The following MIR2052HG variants were observed in gnomAD, a reference collection of about 807,000 sequenced individuals.
The protein encoded by MIR2052HG is MIR2052 host gene.
chr8:74,639,359 A>G (rs1461623902), intron 2 of MIR2052HG, among the ~76,000 whole-genome samples: 1 of 152,178 alleles, frequency 6.6e-6, no homozygotes, highest in Non-Finnish European at 1.5e-5. Flanking sequence ...GTCATTTTAT[A>G]CACCTTATAT....
At chr8:74,642,592 A>G (rs960758783) in intron 2 of MIR2052HG, among the ~76,000 whole-genome samples, 14 of 152,168 alleles carry the variant, frequency 9.2e-5, no homozygotes, top group Admixed American at 8.5e-4. Flanking sequence ...GTGACATTTT[A>G]TATATTTGCT....
chr8:74,686,097 ATT>A (rs556888542), intron 2 of MIR2052HG, among the ~76,000 whole-genome samples: 1 of 143,386 alleles, frequency 7.0e-6, no homozygotes, highest in South Asian at 2.2e-4. Context: ...ATCTCTGGAG[ATT>A]TTTTTTTTTT....
At chr8:74,602,818 T>TTTCC (rs1808026224) in intron 1 of MIR2052HG, among the ~76,000 whole-genome samples, 1 of 69,226 alleles carries the variant, frequency 1.4e-5, no homozygotes, top group Non-Finnish European at 3.1e-5. Context: ...CCCGGCCGTG[T>TTTCC]TTCTTTCTTT....
intron 5 of MIR2052HG, chr8:74,757,623 T>G (rs1288450797): frequency 6.6e-6 from 1 of 152,236 alleles, no homozygotes; most frequent in Non-Finnish European, 1.5e-5. Context: ...TTTGCCAAAG[T>G]CATTTGTTCA....
rs528847731 is a variant in MIR2052HG, at chr8:74,660,070, G to A, written n.217-42309G>A. Among the ~76,000 whole-genome samples, 6 of 152,254 alleles carry A rather than the reference G, an allele frequency of 3.9e-5. No homozygotes were observed. In the East Asian group the frequency reaches 7.7e-4, roughly 20 times the overall value. ...GCACCTGAGTATGGTTCTAACATGA[G>A]CATCTGCACAACAGAGCATCATGGC... On this transcript the variant is annotated intron_variant and non_coding_transcript_variant, in intron 2 of 6. Transcript: ENST00000523442.
chr8:74,611,524 T>C (rs1808194763), intron 1 of MIR2052HG, among the ~76,000 whole-genome samples: 1 of 152,222 alleles, frequency 6.6e-6, no homozygotes, highest in South Asian at 2.1e-4. Context: ...TTGCAAGATG[T>C]CTGTTAACAT....
rs1809295940 is a variant in MIR2052HG, at chr8:74,696,326, A to G, written n.217-6053A>G. 2.6e-5 allele frequency among the ~76,000 whole-genome samples: 4 copies of G among 152,254 alleles called. No homozygotes were observed. In the South Asian group the frequency reaches 6.2e-4, roughly 24 times the overall value. ...ACCTCTGGGATACAGCAAAGGCAGT[A>G]CTAAGAGAAAAGTTCATGGCATTAA... On this transcript the variant is annotated intron_variant and non_coding_transcript_variant, in intron 2 of 6. Transcript: ENST00000523442.
intron 2 of MIR2052HG, among the ~76,000 whole-genome samples, chr8:74,647,723 T>C (rs1401767413): frequency 5.9e-5 from 9 of 152,192 alleles, no homozygotes; most frequent in Admixed American, 5.9e-4. Flanking sequence ...GCTGAAGCTG[T>C]GGCAGAAGAA....
At chr8:74,687,963 G>A (rs1332174796) in intron 2 of MIR2052HG, among the ~76,000 whole-genome samples, 1 of 152,114 alleles carries the variant, frequency 6.6e-6, no homozygotes, top group Non-Finnish European at 1.5e-5. Context: ...CATCAAATGT[G>A]TGCAGGTCTT....
intron 4 of MIR2052HG, among the ~76,000 whole-genome samples, chr8:74,721,540 G>C (rs1484544031): frequency 1.3e-5 from 2 of 152,140 alleles, no homozygotes; most frequent in Non-Finnish European, 2.9e-5. Flanking sequence ...CTTTTAGCTT[G>C]GTTCTCATCC....
intron 2 of MIR2052HG, among the ~76,000 whole-genome samples, chr8:74,693,676 G>T (rs530212124): frequency 1.3e-5 from 2 of 151,954 alleles, no homozygotes; most frequent in African/African-American, 2.4e-5. Flanking sequence ...GCTGGGTGAG[G>T]CCTATCACTG....
At chr8:74,621,496 A>G (rs1405113735) in intron 2 of MIR2052HG, among the ~76,000 whole-genome samples, 2 of 152,226 alleles carry the variant, frequency 1.3e-5, no homozygotes, top group Non-Finnish European at 2.9e-5. Flanking sequence ...GAAACTTTCA[A>G]TAATGGCAGA....
At chr8:74,725,704 G>T (rs1380376483) in intron 4 of MIR2052HG, among the ~76,000 whole-genome samples, 1 of 152,094 alleles carries the variant, frequency 6.6e-6, no homozygotes, top group Non-Finnish European at 1.5e-5. Flanking sequence ...AAGCCCGGAA[G>T]GTCATTGAAG....
intron 4 of MIR2052HG, among the ~76,000 whole-genome samples, chr8:74,735,809 A>G (rs1206794977): frequency 6.6e-6 from 1 of 152,188 alleles, no homozygotes; most frequent in Non-Finnish European, 1.5e-5. Flanking sequence ...TGTGCTTGTG[A>G]AATCAAAAAA....
intron 2 of MIR2052HG, among the ~76,000 whole-genome samples, chr8:74,687,050 T>C (rs1809188440): frequency 6.6e-6 from 1 of 152,122 alleles, no homozygotes; most frequent in Non-Finnish European, 1.5e-5. Context: ...CTTGAGCAGA[T>C]ATTAATCCAA....
At chr8:74,711,528 G>T (rs573571496) in intron 4 of MIR2052HG, among the ~76,000 whole-genome samples, 1 of 152,260 alleles carries the variant, frequency 6.6e-6, no homozygotes, top group African/African-American at 2.4e-5. Flanking sequence ...GTGGAACAGT[G>T]GTTGGAATTT....
At chr8:74,664,452 C>A (rs1175585327) in intron 2 of MIR2052HG, among the ~76,000 whole-genome samples, 1 of 152,004 alleles carries the variant, frequency 6.6e-6, no homozygotes, top group Non-Finnish European at 1.5e-5. Context: ...TTACTTGAAT[C>A]TTTCTTGTTC....
At chr8:74,685,006 C>G (rs749934145) in intron 2 of MIR2052HG, among the ~76,000 whole-genome samples, 1 of 152,064 alleles carries the variant, frequency 6.6e-6, no homozygotes, top group Admixed American at 6.6e-5. Context: ...CTTTCAGCAA[C>G]TTGCTTAGAT....
intron 2 of MIR2052HG, among the ~76,000 whole-genome samples, chr8:74,664,012 T>C (rs1808893498): frequency 6.6e-6 from 1 of 152,124 alleles, no homozygotes; most frequent in African/African-American, 2.4e-5. Context: ...CTAAGTGAAG[T>C]AATTCAGGAA....
Sources: gnomAD v4.1 joint callset for allele counts (sites outside exome capture counted in the v4.1 genomes callset) on GRCh38, gnomAD v4.1.1 for gene constraint, MANE v1.5 for transcripts, NCBI Gene and HGNC (gene_info 2026-07-23, HGNC 2026-07-21) for gene names.